The following DICER1 variants were observed in gnomAD, a reference collection of about 807,000 sequenced individuals.
DICER1 encodes dicer 1, ribonuclease III, also known as endoribonuclease Dicer.
In DICER1, 43 loss-of-function variants were observed where a neutral mutation model predicts 194.1. The observed-to-expected ratio is 0.22, with a 90% confidence interval of 0.17 to 0.29. The LOEUF (loss-of-function observed/expected upper bound fraction) is 0.29. Ranked by LOEUF, DICER1 falls within the 10% of genes least tolerant of loss-of-function variation. DICER1 has a pLI of 1.00. For synonymous variants in DICER1, 832 were observed against 820.5 expected (o/e 1.01, Z -0.24); for missense variants, 1,608 against 2,317.0 (o/e 0.69, Z 6.28).
rs773060021 is a variant in DICER1, at chr14:95,095,815, G to A, written c.5095+10C>T. 6.2e-7 allele frequency: 1 copy of A among 1,613,862 alleles called. No individual in the cohort carries two copies. The highest frequency in any genetic ancestry group is 8.5e-7 in the Non-Finnish European group (1 of 1,179,906). ...TTCCCAGAAATGAAGTCTGGTCGTGGGCTCCTTACCAGTGATAGTATTGTA... is the reference window on the plus strand; with the variant it reads ...TTCCCAGAAATGAAGTCTGGTCGTGAGCTCCTTACCAGTGATAGTATTGTA... On this transcript the variant is annotated intron_variant, in intron 23 of 26. Transcript: ENST00000343455.
intron 21 of DICER1, 114 bp from the exon 22 acceptor site, chr14:95,100,049 T>C (rs1217716367): frequency 2.7e-6 from 3 of 1,120,844 alleles, no homozygotes; most frequent in Non-Finnish European, 3.8e-6. Flanking sequence ...ATTAATTATA[T>C]GTCATCAATT....
intron 14 of DICER1, among the ~76,000 whole-genome samples, chr14:95,110,612 C>T (rs1891873753): frequency 6.6e-6 from 1 of 152,158 alleles, no homozygotes; most frequent in African/African-American, 2.4e-5. Flanking sequence ...GGTCTTGGAA[C>T]ATACCCTCCA....
Position 95,124,741 on chromosome 14 carries a change from G to A in DICER1, c.904-73C>T, listed in dbSNP as rs753545270. On this transcript the variant is annotated intron_variant, in intron 7 of 26. Coordinates refer to ENST00000343455, the MANE Select transcript of DICER1 (RefSeq NM_177438.3). This position sits in a 1 kb window ranked among gnomAD's most constrained non-coding sequence, Gnocchi z 4.5. The stretch of plus-strand genomic sequence containing the variant: ...TAGCATTTTCATGTGGGGTTTAACT[G>A]GGATTTCAGTTGTTCTCAAATGGCT... 10 of 1,286,494 alleles carry A rather than the reference G, an allele frequency of 7.8e-6. No individual in the cohort carries two copies. The highest frequency in any genetic ancestry group is 1.0e-5 in the Non-Finnish European group (9 of 893,940). 79.7% of individuals were successfully genotyped at this position (1,286,494 alleles called of 1,614,324 possible).
At chr14:95,110,642 C>A (rs531166673) in intron 14 of DICER1, among the ~76,000 whole-genome samples, 5 of 152,142 alleles carry the variant, frequency 3.3e-5, no homozygotes, top group African/African-American at 4.8e-5. Context: ...GGGACTACTA[C>A]ACACAGCAAA....
At position 95,088,638 on chromosome 14, in the gene DICER1, T is replaced by G. The variant is rs541770994; in HGVS notation, c.*1860A>C. On this transcript the variant is annotated 3_prime_UTR_variant, in exon 27 of 27. Transcript: ENST00000343455. ...TATTTTTAAAACAAGTCACCTAATT[T>G]GCTCAAAAACTCGTTTAATAATTTA... is the stretch of plus-strand genomic sequence containing the variant. The G allele has an allele frequency of 4.3e-6, 1 of 232,588 alleles. No homozygotes were observed. The highest frequency in any genetic ancestry group is 5.6e-5 in the Admixed American group (1 of 17,794). The allele number at this position is 232,588 out of a possible 1,614,324, so 14.4% of individuals were successfully genotyped here.
intron 22 of DICER1, 52 bp from the exon 23 acceptor site, chr14:95,096,765 AAGGGTTTGAAACTC>A (rs1195720456): frequency 6.5e-7 from 1 of 1,545,932 alleles, no homozygotes; most frequent in Non-Finnish European, 8.7e-7. Flanking sequence ...CTGTTTTTAA[AAGGGTTTGAAACTC>A]AATAAAAGCA....
At position 95,124,348 on chromosome 14, in the gene DICER1, A is replaced by C. The variant is rs1595438709; in HGVS notation, c.1224T>G (p.Asn408Lys). 6.2e-7 allele frequency: 1 copy of C among 1,614,010 alleles called. No individual in the cohort carries two copies. Among genetic ancestry groups the C allele is most frequent in the South Asian group, 1.1e-5 (1 of 91,074 alleles). The change falls in exon 8 of 27, where the codon AAT becomes AAG. Residue 408 changes from asparagine to lysine, a missense_variant. This residue lies in a region of DICER1 where 657 missense variants were observed against 910.1 expected (regional missense o/e 0.72). Transcript: ENST00000343455. This position sits in a 1 kb window ranked among gnomAD's most constrained non-coding sequence, Gnocchi z 4.5. ...CCTCAGAATCACTCCATGACACATA[A>C]TTATCCTGATTTCTATTATTATACC... is the stretch of plus-strand genomic sequence containing the variant. ...VEWYNNRNQD[N>K]YVSWSDSEDD...
chr14:95,138,894 C>G (rs1894622135), intron 1 of DICER1, among the ~76,000 whole-genome samples: 2 of 148,020 alleles, frequency 1.4e-5, no homozygotes, highest in African/African-American at 5.0e-5. Context: ...GTGCAGCGCA[C>G]CAGCATGGCA....
chr14:95,130,297 A>C, intron 4 of DICER1, 105 bp from the exon 5 acceptor site: 1 of 1,105,040 alleles, frequency 9.0e-7, no homozygotes, highest in South Asian at 1.3e-5. Flanking sequence ...AGGATTAAGG[A>C]ATTCATTAGT....
chr14:95,141,509 C>T (rs897197277), intron 1 of DICER1, among the ~76,000 whole-genome samples: 1 of 152,182 alleles, frequency 6.6e-6, no homozygotes, highest in Non-Finnish European at 1.5e-5. Flanking sequence ...GCCTCCACTA[C>T]CATAAGCTCA....
At chr14:95,156,113 T>C (rs1370654061) in intron 1 of DICER1, among the ~76,000 whole-genome samples, 1 of 152,362 alleles carries the variant, frequency 6.6e-6, no homozygotes, top group Admixed American at 6.5e-5. Flanking sequence ...TTTACACCAA[T>C]ACATATTCAA....
At chr14:95,099,743 C>A (rs575559134) in intron 22 of DICER1, 37 bp downstream of exon 22, 21 of 1,147,164 alleles carry the variant, frequency 1.8e-5, no homozygotes, top group Middle Eastern at 4.5e-4. Context: ...CACACACACA[C>A]ACACACACAC....
chr14:95,124,469 A>G lies in DICER1; in HGVS notation c.1103T>C (p.Leu368Pro). Residue 368 changes from leucine to proline, a missense_variant, in exon 8 of 27, where the codon CTT (leucine) becomes CCT (proline). Physicochemically the swap from Leu to Pro is moderately conservative, Grantham distance 98. This residue lies in a region of DICER1 where 657 missense variants were observed against 910.1 expected (regional missense o/e 0.72). Coordinates refer to ENST00000343455, the MANE Select transcript of DICER1 (RefSeq NM_177438.3). This position sits in a 1 kb window ranked among gnomAD's most constrained non-coding sequence, Gnocchi z 4.5. The stretch of plus-strand genomic sequence containing the variant: ...TTTAGGAGTTACAAATTTCAGGTCA[A>G]GTGAGGCAGGTGAGAAGTGCTCTTC... ...LCEEHFSPAS[L>P]DLKFVTPKVI... 1 of 1,614,196 alleles carries G rather than the reference A, an allele frequency of 6.2e-7. No homozygotes were observed. The highest frequency in any genetic ancestry group is 8.5e-7 in the Non-Finnish European group (1 of 1,180,028).
chr14:95,116,950 G>A (rs551944759), intron 9 of DICER1, among the ~76,000 whole-genome samples: 15 of 152,258 alleles, frequency 9.9e-5, no homozygotes, highest in African/African-American at 3.6e-4. Context: ...CTAGTGTTCA[G>A]ACAGTTATAT....
chr14:95,123,325 A>G (rs1048276465), intron 8 of DICER1, among the ~76,000 whole-genome samples: 10 of 152,230 alleles, frequency 6.6e-5, no homozygotes, highest in Non-Finnish European at 1.2e-4. Context: ...AACTTTCCCC[A>G]ACATTCTTAT....
At chr14:95,144,654 C>A (rs1280611757) in intron 1 of DICER1, among the ~76,000 whole-genome samples, 1 of 152,076 alleles carries the variant, frequency 6.6e-6, no homozygotes, top group Admixed American at 6.5e-5. Context: ...ATAGAAAATG[C>A]ATTCTCATAT....
intron 1 of DICER1, among the ~76,000 whole-genome samples, chr14:95,137,171 G>A (rs1029689235): frequency 2.7e-5 from 4 of 148,260 alleles, no homozygotes; most frequent in East Asian, 2.0e-4. Flanking sequence ...GAAGGGGAAG[G>A]AAAAGGGGAA....
At chr14:95,131,484 A>G (rs1893941987) in intron 4 of DICER1, 25 bp downstream of exon 4, 1 of 1,607,972 alleles carries the variant, frequency 6.2e-7, no homozygotes, top group African/African-American at 1.3e-5. Context: ...GGATTTATAA[A>G]GTGAAATTTC....
Position 95,105,364 on chromosome 14 carries a change from TA to T in DICER1, c.3094-119del, listed in dbSNP as rs1891324706. 1.0e-6 allele frequency: 1 copy of T among 976,498 alleles called. No homozygotes were observed. The highest frequency in any genetic ancestry group is 1.6e-6 in the Non-Finnish European group (1 of 634,078). The allele number at this position is 976,498 out of a possible 1,614,324, so 60.5% of individuals were successfully genotyped here. A position where few individuals can be genotyped will look rare whatever the true frequency, so the allele number is the denominator to read the frequency against. ...CATAAATGCTAGTAAAACTTAATTT[TA>T]AAAAATATTTGTAAAAATAATCCTC... On this transcript the variant is annotated intron_variant, in intron 19 of 26. Coordinates refer to ENST00000343455, the MANE Select transcript of DICER1 (RefSeq NM_177438.3). The surrounding 1 kb of genome is among the most constrained non-coding windows in gnomAD (Gnocchi z 4.9).
Sources: allele counts gnomAD v4.1 joint callset (sites outside exome capture counted in the v4.1 genomes callset), GRCh38; gene constraint gnomAD v4.1.1; regional missense constraint gnomAD v4.1.1; non-coding constraint Gnocchi (gnomAD v3.1); transcripts MANE v1.5; gene names NCBI Gene and HGNC (gene_info 2026-07-23, HGNC 2026-07-21).